The following TENM1 variants were observed in gnomAD, a reference collection of about 807,000 sequenced individuals.
TENM1 encodes teneurin-1.
In TENM1, 35 loss-of-function variants were observed where a neutral mutation model predicts 174.8. The ratio of observed to expected loss-of-function variants is 0.20; its 90% confidence interval spans 0.15 to 0.27. The LOEUF (loss-of-function observed/expected upper bound fraction) is 0.27. TENM1 is among the 10% of genes least tolerant of loss of function. TENM1 has a pLI of 1.00. For missense variants in TENM1, 1,633 were observed against 2,130.1 expected (o/e 0.77, Z 4.59); for synonymous variants, 781 against 798.7 (o/e 0.98, Z 0.37).
Position 124,497,100 on chromosome X carries a change from G to A in TENM1, c.3611C>T (p.Pro1204Leu), listed in dbSNP as rs1329184306. 8 of 1,208,368 alleles carry A rather than the reference G, an allele frequency of 6.6e-6. No homozygotes were observed. In the East Asian group the frequency reaches 1.5e-4, roughly 22 times the overall value. ...GTCGCCAACATACACACTGCCATCAGGGCCAGAAGCTAAGGCGACAGGAGC... is the reference window on the plus strand; with the variant it reads ...GTCGCCAACATACACACTGCCATCAAGGCCAGAAGCTAAGGCGACAGGAGC... Residue 1204 changes from proline (P) to leucine (L), a missense_variant, in exon 20 of 32, where the codon CCT (proline) becomes CTT (leucine). Coordinates refer to ENST00000422452, the Ensembl canonical transcript of TENM1.
chrX:124,988,360 T>C, the TENM1 span, among the ~76,000 whole-genome samples: 1 of 111,928 alleles, frequency 8.9e-6, no homozygotes, highest in African/African-American at 3.2e-5. Context: ...TTGACAGAAC[T>C]GGCACAAGAA....
intron 3 of TENM1, among the ~76,000 whole-genome samples, chrX:124,824,063 A>G (rs949021370): frequency 8.9e-6 from 1 of 111,873 alleles, no homozygotes; most frequent in African/African-American, 3.2e-5. Context: ...ACATTATAGG[A>G]CTTCCTTCCT....
intron 14 of TENM1, among the ~76,000 whole-genome samples, chrX:124,548,088 G>T (rs1167355260): frequency 9.0e-6 from 1 of 111,556 alleles, no homozygotes; most frequent in Non-Finnish European, 1.9e-5. Context: ...CGCCCACCTC[G>T]GCCTCCCAAA....
At chrX:124,377,685 T>C (rs2060117325) in exon 32 of TENM1, 1 of 111,807 alleles carries the variant, frequency 8.9e-6, no homozygotes. Context: ...CAGCCCAGAA[T>C]GTTCTTCATA....
chrX:125,079,117 A>C, the TENM1 span, among the ~76,000 whole-genome samples: 1 of 111,987 alleles, frequency 8.9e-6, no homozygotes, highest in African/African-American at 3.2e-5. Context: ...TCAAGTACAG[A>C]CAAAACATCT....
chrX:125,200,221 C>T, the TENM1 span, among the ~76,000 whole-genome samples: 1 of 111,289 alleles, frequency 9.0e-6, no homozygotes, highest in Admixed American at 9.6e-5. Flanking sequence ...ATATTTTTAC[C>T]TTTTAGGGGA....
intron 11 of TENM1, among the ~76,000 whole-genome samples, chrX:124,602,473 T>C (rs1291128739): frequency 1.8e-5 from 2 of 111,188 alleles, no homozygotes; most frequent in African/African-American, 3.3e-5. Context: ...TGTTAAAATA[T>C]ATAATAATAA....
At chrX:124,751,161 T>A (rs1377600702) in intron 3 of TENM1, among the ~76,000 whole-genome samples, 1 of 111,560 alleles carries the variant, frequency 9.0e-6, no homozygotes, top group Non-Finnish European at 1.9e-5. Context: ...ATGTATGCTG[T>A]TTTTCTTCCT....
the TENM1 span, among the ~76,000 whole-genome samples, chrX:125,115,879 G>GA: frequency 0.016 from 1,575 of 98,813 alleles, 24 homozygotes; most frequent in African/African-American, 0.054. Flanking sequence ...ACAGAATTAC[G>GA]AAAAAAAAAA....
At chrX:124,987,941 C>A in the TENM1 span, among the ~76,000 whole-genome samples, 51 of 111,258 alleles carry the variant, frequency 4.6e-4, 1 homozygote, top group Admixed American at 4.8e-3. Flanking sequence ...CTGAATATTA[C>A]TGCATTTTAC....
intron 1 of TENM1, among the ~76,000 whole-genome samples, chrX:124,898,313 G>T (rs947865935): frequency 1.5e-4 from 17 of 111,197 alleles, no homozygotes; most frequent in African/African-American, 4.9e-4. Context: ...AGATTTACTT[G>T]AAGTGGATGG....
intron 11 of TENM1, among the ~76,000 whole-genome samples, chrX:124,604,900 C>T (rs1265084431): frequency 9.2e-6 from 1 of 109,065 alleles, no homozygotes; most frequent in Non-Finnish European, 1.9e-5. Flanking sequence ...AAATAGACGA[C>T]GTTTATGAAA....
At chrX:124,404,445 C>T (rs758687068) in intron 27 of TENM1, among the ~76,000 whole-genome samples, 45 of 111,723 alleles carry the variant, frequency 4.0e-4, no homozygotes, top group African/African-American at 1.2e-3. Context: ...CTTTAAAACT[C>T]CCTAATCTAT....
chrX:125,096,470 C>A, the TENM1 span, among the ~76,000 whole-genome samples: 1 of 111,848 alleles, frequency 8.9e-6, no homozygotes, highest in Non-Finnish European at 1.9e-5. Context: ...AAAGAGTTTC[C>A]ATGACCAAAT....
At chrX:124,488,862 C>T (rs2047006146) in intron 20 of TENM1, among the ~76,000 whole-genome samples, 1 of 112,350 alleles carries the variant, frequency 8.9e-6, no homozygotes, top group African/African-American at 3.2e-5. Context: ...GAAATTCTTA[C>T]ATGATGGCAA....
At chrX:124,722,619 T>G (rs890314329) in intron 4 of TENM1, among the ~76,000 whole-genome samples, 6 of 110,318 alleles carry the variant, frequency 5.4e-5, no homozygotes, top group African/African-American at 2.0e-4. Context: ...AGCGGGCGGA[T>G]CACGAGGTCA....
At chrX:125,026,805 A>G in the TENM1 span, among the ~76,000 whole-genome samples, 1 of 112,325 alleles carries the variant, frequency 8.9e-6, no homozygotes, top group Admixed American at 9.5e-5. Flanking sequence ...TGGATGAAGA[A>G]ATAGCATTTA....
At chrX:125,016,982 A>T in the TENM1 span, among the ~76,000 whole-genome samples, 1 of 112,145 alleles carries the variant, frequency 8.9e-6, no homozygotes, top group African/African-American at 3.2e-5. Context: ...CCTATTTAAT[A>T]AATGGTGTTG....
At chrX:124,931,119 C>CA (rs1206978740) in intron 1 of TENM1, among the ~76,000 whole-genome samples, 1 of 110,857 alleles carries the variant, frequency 9.0e-6, no homozygotes, top group East Asian at 2.8e-4. Flanking sequence ...AAGAAGGCTT[C>CA]AAAACTCAAT....
Sources: allele counts gnomAD v4.1 joint callset (sites outside exome capture counted in the v4.1 genomes callset), GRCh38; gene constraint gnomAD v4.1.1; transcripts MANE v1.5; gene names NCBI Gene and HGNC (gene_info 2026-07-23, HGNC 2026-07-21).